ADAM29: variants seen among roughly 807,000 people sequenced by gnomAD.
ADAM29 encodes disintegrin and metalloproteinase domain-containing protein 29.
For synonymous variants in ADAM29, 367 were observed against 342.3 expected, an observed-to-expected ratio of 1.07 and a Z score of -0.80; for missense variants, 969 against 1,001.8, an observed-to-expected ratio of 0.97 and a Z score of 0.44.
At chr4:174,969,176 T>A (rs964140979) in intron 4 of ADAM29, among the ~76,000 whole-genome samples, 2 of 151,328 alleles carry the variant, frequency 1.3e-5, no homozygotes, top group African/African-American at 2.4e-5. Context: ...TAAAATTTTT[T>A]TTATTATTAT....
intron 4 of ADAM29, among the ~76,000 whole-genome samples, chr4:174,959,090 A>G (rs1004735341): frequency 2.0e-5 from 3 of 151,910 alleles, no homozygotes; most frequent in Non-Finnish European, 4.4e-5. Context: ...ATGTAGATTC[A>G]AGATTCTGAC....
chr4:174,929,328 C>G (rs1214936938), intron 2 of ADAM29, among the ~76,000 whole-genome samples: 1 of 152,110 alleles, frequency 6.6e-6, no homozygotes, highest in Non-Finnish European at 1.5e-5. Flanking sequence ...TTCAAAAAGA[C>G]CCAGCCACCT....
intron 4 of ADAM29, among the ~76,000 whole-genome samples, chr4:174,945,384 C>T (rs1272786149): frequency 6.6e-6 from 1 of 152,036 alleles, no homozygotes; most frequent in East Asian, 1.9e-4. Flanking sequence ...CATATAGATT[C>T]TGGATATTAG....
At chr4:174,947,595 G>A (rs1433410784) in intron 4 of ADAM29, among the ~76,000 whole-genome samples, 3 of 152,142 alleles carry the variant, frequency 2.0e-5, no homozygotes, top group African/African-American at 7.2e-5. Context: ...TTATTGTGTT[G>A]TGATAGGAGA....
intron 4 of ADAM29, among the ~76,000 whole-genome samples, chr4:174,943,837 T>C (rs1372827424): frequency 2.0e-5 from 3 of 152,024 alleles, no homozygotes; most frequent in African/African-American, 7.2e-5. Context: ...AAGGAAGTCG[T>C]TCAGTGATTA....
chr4:174,961,608 TTAC>T (rs1433797726), intron 4 of ADAM29, among the ~76,000 whole-genome samples: 3 of 152,108 alleles, frequency 2.0e-5, no homozygotes, highest in African/African-American at 7.2e-5. Context: ...TTTCTCGTTA[TTAC>T]TACATTAGAT....
intron 3 of ADAM29, among the ~76,000 whole-genome samples, chr4:174,936,530 C>G (rs190043666): frequency 3.9e-5 from 6 of 152,094 alleles, no homozygotes; most frequent in Admixed American, 2.0e-4. Context: ...CCTGGCAACT[C>G]ATTATAACTT....
chr4:174,973,196 T>C (rs1746567422), intron 4 of ADAM29, among the ~76,000 whole-genome samples: 1 of 152,192 alleles, frequency 6.6e-6, no homozygotes, highest in Non-Finnish European at 1.5e-5. Flanking sequence ...AAAGCTAGAT[T>C]GTGGTAGACC....
chr4:174,947,510 C>T (rs1021296193), intron 4 of ADAM29, among the ~76,000 whole-genome samples: 11 of 152,156 alleles, frequency 7.2e-5, no homozygotes, highest in Non-Finnish European at 1.5e-4. Flanking sequence ...ACCCAAAAGC[C>T]ATTCAGAAAC....
At chr4:174,942,062 A>T (rs776779799) in intron 4 of ADAM29, among the ~76,000 whole-genome samples, 1 of 152,184 alleles carries the variant, frequency 6.6e-6, no homozygotes, top group East Asian at 1.9e-4. Context: ...CTTTGACTTC[A>T]TGTCTCACAT....
chr4:174,945,690 C>T (rs1744806584), intron 4 of ADAM29, among the ~76,000 whole-genome samples: 1 of 152,082 alleles, frequency 6.6e-6, no homozygotes. Flanking sequence ...GGAAGGGGAC[C>T]AGTTTCAATA....
At chr4:174,956,448 T>G (rs546592713) in intron 4 of ADAM29, among the ~76,000 whole-genome samples, 2 of 151,762 alleles carry the variant, frequency 1.3e-5, no homozygotes, top group African/African-American at 4.8e-5. Flanking sequence ...TCCATATCTA[T>G]ATCTTCAAAT....
In ADAM29 at chr4:174,941,854, A is replaced by T. The variant is rs73003714; in HGVS notation, c.-181+4841A>T. Among the ~76,000 whole-genome samples, 344 of 148,390 alleles carry T rather than the reference A, an allele frequency of 2.3e-3. 3 individuals carry two copies. Among genetic ancestry groups the T allele is most frequent in the African/African-American group, 8.5e-3 (322 of 38,042 alleles). ...CCAAGTTCAAATACTCACCTGTGAT[A>T]AAAAAAAGTCCCTTTTGCATATGAG... On this transcript the variant is annotated intron_variant, in intron 4 of 4. Transcript: ENST00000359240.
chr4:174,923,819 C>T (rs1419481789), intron 2 of ADAM29: 1 of 152,320 alleles, frequency 6.6e-6, no homozygotes, highest in African/African-American at 2.4e-5. Context: ...ATGCCTACCT[C>T]CAGGCATGGT....
chr4:174,972,719 G>A (rs1746540245), intron 4 of ADAM29, among the ~76,000 whole-genome samples: 1 of 152,100 alleles, frequency 6.6e-6, no homozygotes. Context: ...TTCCCTGGTG[G>A]CTAGACTGTG....
intron 3 of ADAM29, among the ~76,000 whole-genome samples, chr4:174,932,742 G>GTGA (rs1470444413): frequency 2.0e-5 from 3 of 152,080 alleles, no homozygotes; most frequent in Non-Finnish European, 4.4e-5. Context: ...AAATTTTGCA[G>GTGA]TGAAAAAAGG....
chr4:174,940,244 A>G (rs1490084282), intron 4 of ADAM29, among the ~76,000 whole-genome samples: 6 of 152,170 alleles, frequency 3.9e-5, no homozygotes, highest in Admixed American at 3.9e-4. Flanking sequence ...TCCTCTGGTC[A>G]AAGATTTGTT....
At chr4:174,960,773 C>A (rs953476516) in intron 4 of ADAM29, among the ~76,000 whole-genome samples, 13 of 152,174 alleles carry the variant, frequency 8.5e-5, no homozygotes, top group African/African-American at 3.1e-4. Flanking sequence ...TTTGCACTAA[C>A]TTCCTGAACT....
intron 4 of ADAM29, among the ~76,000 whole-genome samples, chr4:174,948,983 A>T (rs1420375157): frequency 6.6e-6 from 1 of 152,050 alleles, no homozygotes; most frequent in Non-Finnish European, 1.5e-5. Flanking sequence ...CTGCACGGGG[A>T]GTCTTCAGCG....
Sources: gnomAD v4.1 joint callset for allele counts (sites outside exome capture counted in the v4.1 genomes callset) on GRCh38, gnomAD v4.1.1 for gene constraint, MANE v1.5 for transcripts, NCBI Gene and HGNC (gene_info 2026-07-23, HGNC 2026-07-21) for gene names.